GRID1: variants seen among roughly 807,000 people sequenced by gnomAD.
GRID1 encodes the protein glutamate ionotropic receptor delta type subunit 1.
Under a neutral mutation model 98.0 loss-of-function variants are expected in GRID1, and 28 were observed. The ratio of observed to expected loss-of-function variants is 0.29; its 90% CI spans 0.21 to 0.39. The LOEUF is 0.39. Among genes scored for constraint, GRID1 ranks in the 10% least tolerant of loss-of-function variants. GRID1 has a pLI of 1.00. For synonymous variants in GRID1, 553 were observed against 538.5 expected, an observed-to-expected ratio of 1.03 and a Z score of -0.37; for missense variants, 1,111 against 1,340.5, an observed-to-expected ratio of 0.83 and a Z score of 2.67.
chr10:85,736,176 A>G (rs549830005), intron 8 of GRID1, among the ~76,000 whole-genome samples: 71 of 117,126 alleles, frequency 6.1e-4, no homozygotes, highest in African/African-American at 2.3e-3. Context: ...ACACAGGAAG[A>G]AAGGAAGGAA....
chr10:86,026,462 G>A (rs189130055), intron 4 of GRID1, among the ~76,000 whole-genome samples: 67 of 152,334 alleles, frequency 4.4e-4, no homozygotes, highest in African/African-American at 1.6e-3. Context: ...AACGGAGGAT[G>A]AGGGTTTCAA....
intron 8 of GRID1, among the ~76,000 whole-genome samples, chr10:85,738,005 C>T (rs1419482742): frequency 6.6e-6 from 1 of 151,894 alleles, no homozygotes; most frequent in African/African-American, 2.4e-5. Context: ...TGTGGGCCAG[C>T]AGGACAGTCA....
At chr10:85,743,954 A>G (rs1243209952) in intron 8 of GRID1, among the ~76,000 whole-genome samples, 1 of 152,330 alleles carries the variant, frequency 6.6e-6, no homozygotes. Flanking sequence ...GAATTTAAAT[A>G]AAGTATATAG....
At position 85,956,322 on chromosome 10, in the gene GRID1, C is replaced by T. The variant is rs567395837; in HGVS notation, c.727-40083G>A. On this transcript the variant is annotated intron_variant, in intron 4 of 15. Coordinates refer to ENST00000327946, the MANE Select transcript of GRID1 (RefSeq NM_017551.3). ...ATCTCTAATTGGCTGTGCCAACTCC[C>T]TTTCTCAACCCTTCCTATTCCAGCA... Among the ~76,000 whole-genome samples, 9 of 152,270 alleles carry T rather than the reference C, an allele frequency of 5.9e-5. No homozygotes were observed. In the East Asian group the frequency reaches 1.7e-3, roughly 29 times the overall value.
At chr10:85,861,237 C>G (rs969452819) in intron 6 of GRID1, among the ~76,000 whole-genome samples, 1 of 152,162 alleles carries the variant, frequency 6.6e-6, no homozygotes, top group Non-Finnish European at 1.5e-5. Context: ...ACAAAGGGAT[C>G]ATGTCTGACT....
chr10:85,718,991 T>C (rs1841670735), intron 12 of GRID1, among the ~76,000 whole-genome samples: 1 of 152,250 alleles, frequency 6.6e-6, no homozygotes, highest in Non-Finnish European at 1.5e-5. Context: ...ACCTCTTGAA[T>C]GCTTTGCTGC....
chr10:85,951,813 G>T (rs1026177739), intron 4 of GRID1, among the ~76,000 whole-genome samples: 3 of 152,100 alleles, frequency 2.0e-5, no homozygotes, highest in African/African-American at 7.2e-5. Context: ...AAGCCCAGAG[G>T]TGCCCACAGG....
rs1464142464 is a variant in GRID1, at chr10:86,050,682, A to G, written c.726+88137T>C. Among the ~76,000 whole-genome samples, 4 of 152,200 alleles carry G rather than the reference A, an allele frequency of 2.6e-5. No individual in the cohort carries two copies. In the South Asian group the frequency reaches 8.3e-4, roughly 31 times the overall value. ...TCAGTCTCTTAAATAGCAGCAAAAA[A>G]GTGCAAAAAAAGGAATGAAAAACAT... On this transcript the variant is annotated intron_variant, in intron 4 of 15. Coordinates refer to ENST00000327946, the MANE Select transcript of GRID1 (RefSeq NM_017551.3).
At chr10:85,865,994 G>C (rs1190580910) in intron 6 of GRID1, among the ~76,000 whole-genome samples, 1 of 77,248 alleles carries the variant, frequency 1.3e-5, no homozygotes, top group Non-Finnish European at 2.7e-5. Flanking sequence ...GAGAGAGAGA[G>C]AGAGGCATCT....
chr10:86,073,359 T>G (rs944372244), intron 4 of GRID1, among the ~76,000 whole-genome samples: 1 of 152,182 alleles, frequency 6.6e-6, no homozygotes, highest in Non-Finnish European at 1.5e-5. Context: ...TGTTACACAC[T>G]GGGGTAGGGT....
At chr10:85,760,081 G>A (rs1490079416) in intron 8 of GRID1, among the ~76,000 whole-genome samples, 1 of 152,246 alleles carries the variant, frequency 6.6e-6, no homozygotes, top group East Asian at 1.9e-4. Context: ...GAATATATAA[G>A]ACAGCATTCT....
At chr10:85,851,132 T>C (rs948097025) in intron 8 of GRID1, among the ~76,000 whole-genome samples, 5 of 151,666 alleles carry the variant, frequency 3.3e-5, no homozygotes, top group Non-Finnish European at 7.4e-5. Context: ...CAAAGCCAAG[T>C]AGAAATTTGT....
intron 8 of GRID1, 143 bp downstream of exon 8, chr10:85,854,353 A>G (rs1590266327): frequency 2.6e-6 from 2 of 761,716 alleles, no homozygotes; most frequent in East Asian, 5.0e-5. Context: ...ACACCAGCCA[A>G]TGGTAGCATC....
chr10:86,349,353 C>A (rs528053623), intron 2 of GRID1, among the ~76,000 whole-genome samples: 1 of 152,326 alleles, frequency 6.6e-6, no homozygotes, highest in African/African-American at 2.4e-5. Context: ...GCACCTGGAG[C>A]CCGGGTGAGC....
chr10:85,747,756 G>C (rs892883663), intron 8 of GRID1, among the ~76,000 whole-genome samples: 6 of 152,176 alleles, frequency 3.9e-5, no homozygotes, highest in African/African-American at 1.2e-4. Flanking sequence ...AGCATTTTCT[G>C]TTACGGGATA....
chr10:86,292,120 G>A (rs1293065649), intron 2 of GRID1, among the ~76,000 whole-genome samples: 1 of 152,184 alleles, frequency 6.6e-6, no homozygotes, highest in African/African-American at 2.4e-5. Context: ...TCAGGCCCAC[G>A]ACAGAGGCTG....
intron 3 of GRID1, among the ~76,000 whole-genome samples, chr10:86,177,346 C>T (rs1845589763): frequency 6.6e-6 from 1 of 152,144 alleles, no homozygotes; most frequent in Non-Finnish European, 1.5e-5. Flanking sequence ...ATTCAACTTA[C>T]TTCTCTGGAG....
At chr10:86,049,540 C>T (rs1371680104) in intron 4 of GRID1, among the ~76,000 whole-genome samples, 4 of 152,196 alleles carry the variant, frequency 2.6e-5, no homozygotes, top group African/African-American at 9.7e-5. Flanking sequence ...CAGGAAGAGA[C>T]GTGCTTAATC....
At chr10:85,628,907 A>G (rs1442408685) in intron 13 of GRID1, among the ~76,000 whole-genome samples, 2 of 152,168 alleles carry the variant, frequency 1.3e-5, no homozygotes, top group East Asian at 3.9e-4. Flanking sequence ...AGCAGTGGGA[A>G]GGCCTCTGGC....
Sources: allele counts gnomAD v4.1 joint callset (sites outside exome capture counted in the v4.1 genomes callset), GRCh38; gene constraint gnomAD v4.1.1; transcripts MANE v1.5; gene names NCBI Gene and HGNC (gene_info 2026-07-23, HGNC 2026-07-21).